GBP3: variants seen among roughly 807,000 people sequenced by gnomAD.
The protein encoded by GBP3 is guanylate binding protein 3.
A neutral mutation model predicts 62.4 loss-of-function variants in GBP3; 55 were observed. The ratio of observed to expected loss-of-function variants is 0.88; its 90% CI spans 0.71 to 1.10. The LOEUF is 1.10. GBP3 is among the 50% of genes least tolerant of loss of function. The probability of loss-of-function intolerance (pLI) is 0.00; values close to 1 mark genes in which losing one functional copy is unlikely to be tolerated. For missense variants in GBP3, 605 were observed against 690.6 expected (o/e 0.88, Z 1.39); for synonymous variants, 208 against 259.2 (o/e 0.80, Z 1.90).
rs1678684361 is a variant in GBP3, at chr1:89,013,316, G to A, written c.737C>T (p.Ala246Val). Residue 246 changes from alanine to valine, a missense_variant, in exon 6 of 11, where the codon GCC becomes GTC. Transcript: ENST00000370481. ...TTCATCTTGTAGTTTCTCAAGCTGG[G>A]CAAGCTTCCTGCGGTGAATGGGCAG... Reference protein sequence around the residue: ...FDLPIHRRKLAQLEKLQDEEL... With the variant: ...FDLPIHRRKLVQLEKLQDEEL... The A allele has an allele frequency of 1.9e-6, 3 of 1,614,082 alleles. No homozygotes were observed. The South Asian group carries it at 3.3e-5, about 18-fold the overall frequency.
intron 5 of GBP3, 130 bp downstream of exon 5, chr1:89,013,953 T>C: frequency 9.9e-7 from 1 of 1,007,724 alleles, no homozygotes; most frequent in South Asian, 1.7e-5. Flanking sequence ...ATAGCAAGCA[T>C]TAATTCTTAA....
intron 1 of GBP3, among the ~76,000 whole-genome samples, chr1:89,022,461 G>A (rs1679298401): frequency 1.3e-5 from 2 of 152,178 alleles, no homozygotes; most frequent in South Asian, 2.1e-4. Context: ...TTCAACACAA[G>A]CACTGTAGTG....
Position 89,014,221 on chromosome 1 carries a change from T to C in GBP3, c.487A>G (p.Asn163Asp), listed in dbSNP as rs149490245. 326 of 1,614,180 alleles carry C rather than the reference T, an allele frequency of 2.0e-4. No individual in the cohort carries two copies. The African/African-American group carries it at 4.0e-3, about 20-fold the overall frequency. Reference sequence around the variant, plus strand: ...CTCACAAAGTCAGCTGAATCCTCATTCTCATTCTCATCAGGTGAGGATTTT... The same window carrying C: ...CTCACAAAGTCAGCTGAATCCTCATCCTCATTCTCATCAGGTGAGGATTTT... ...RSKSSPDENE[N>D]EDSADFVSFF... Residue 163 changes from asparagine (N) to aspartate (D), a missense_variant, in exon 5 of 11, where the codon AAT becomes GAT. Asn to Asp is a conservative substitution (Grantham distance 23). Transcript: ENST00000370481.
At chr1:89,013,136 C>A in intron 6 of GBP3, 49 bp downstream of exon 6, 1 of 1,586,240 alleles carries the variant, frequency 6.3e-7, no homozygotes, top group Non-Finnish European at 8.6e-7. Context: ...TCATGCCTGG[C>A]CATCCTTTAG....
Position 89,014,158 on chromosome 1 carries a change from A to C in GBP3, c.550T>G (p.Ser184Ala), listed in dbSNP as rs1298525631. 1.2e-6 allele frequency: 2 copies of C among 1,614,190 alleles called. No homozygotes were observed. Among genetic ancestry groups the C allele is most frequent in the Admixed American group, 3.3e-5 (2 of 60,020 alleles). The change falls in exon 5 of 11, where the codon TCC (serine) becomes GCC (alanine). Residue 184 changes from serine (S) to alanine (A), a missense_variant. Physicochemically the swap from Ser to Ala is moderately conservative, Grantham distance 99 (BLOSUM62 1). Coordinates refer to ENST00000370481, the MANE Select transcript of GBP3 (RefSeq NM_018284.3). ...TGTCCATCTGCTTCCAAGTCCAGGG[A>C]GAAATCTCTCAGTGTCCACACAAAA... The part of the protein sequence containing the change: ...PDFVWTLRDF[S>A]LDLEADGQPL...
At chr1:89,013,048 G>T in intron 6 of GBP3, 137 bp downstream of exon 6, 1 of 883,262 alleles carries the variant, frequency 1.1e-6, no homozygotes, top group Non-Finnish European at 1.8e-6. Context: ...ATGTGGGCTA[G>T]GTTGGTCTCA....
intron 7 of GBP3, 117 bp downstream of exon 7, chr1:89,011,627 AGTT>A: frequency 8.5e-7 from 1 of 1,181,306 alleles, no homozygotes; most frequent in East Asian, 2.6e-5. Context: ...ACCAAGAACT[AGTT>A]GTCACCATTT....
intron 2 of GBP3, among the ~76,000 whole-genome samples, chr1:89,015,744 TAA>T (rs58886103): frequency 3.1e-4 from 27 of 86,026 alleles, no homozygotes; most frequent in Middle Eastern, 6.3e-3. Context: ...ACTCTTGTCT[TAA>T]AAAAAAAAAA....
intron 2 of GBP3, 158 bp downstream of exon 2, chr1:89,020,374 A>G: frequency 1.3e-6 from 1 of 786,636 alleles, no homozygotes; most frequent in South Asian, 1.6e-5. Context: ...CTGTGAGCTG[A>G]TGCTTATCCC....
chr1:89,013,089 C>G, intron 6 of GBP3, 96 bp downstream of exon 6: 1 of 1,368,636 alleles, frequency 7.3e-7, no homozygotes, highest in South Asian at 1.4e-5. Context: ...CTGCCCTCCT[C>G]GGCCTCCCAA....
chr1:89,021,473 T>C (rs945541591), intron 1 of GBP3, among the ~76,000 whole-genome samples: 2 of 148,056 alleles, frequency 1.4e-5, no homozygotes, highest in African/African-American at 5.0e-5. Flanking sequence ...AAACTGCCAA[T>C]ACTGAATGTT....
At chr1:89,020,370 G>T in intron 2 of GBP3, 162 bp downstream of exon 2, 1 of 767,668 alleles carries the variant, frequency 1.3e-6, no homozygotes, top group Non-Finnish European at 2.2e-6. Context: ...ACAGCTGTGA[G>T]CTGATGCTTA....
At chr1:89,022,021 G>A (rs763155242) in intron 1 of GBP3, among the ~76,000 whole-genome samples, 22 of 144,694 alleles carry the variant, frequency 1.5e-4, no homozygotes, top group Non-Finnish European at 3.2e-4. Flanking sequence ...TTCTCCAGAG[G>A]AAAAACTAGG....
Position 89,011,875 on chromosome 1 carries a change from C to A in GBP3, c.1021G>T (p.Val341Leu), listed in dbSNP as rs563011016. 1 of 1,462,158 alleles carries A rather than the reference C, an allele frequency of 6.8e-7. No individual in the cohort carries two copies. The highest frequency in any genetic ancestry group is 1.2e-5 in the South Asian group (1 of 84,746). The allele number at this position is 1,462,158 out of a possible 1,614,324, so 90.6% of individuals were successfully genotyped here. ...AHYDQQMGQK[V>L]QLPAETLQEL... The stretch of plus-strand genomic sequence containing the variant: ...TGGAGGGTTTCTGCGGGCAGCTGCA[C>A]CTTCTGGCCCATCTGCTGGTCATAG... The change falls in exon 7 of 11, where the codon GTG (valine) becomes TTG (leucine). Residue 341 changes from valine to leucine, a missense_variant. Val to Leu is a conservative substitution (Grantham distance 32). Coordinates refer to ENST00000370481, the MANE Select transcript of GBP3 (RefSeq NM_018284.3).
At chr1:89,009,211 C>T in intron 9 of GBP3, 71 bp from the exon 10 acceptor site, 1 of 1,496,236 alleles carries the variant, frequency 6.7e-7, no homozygotes, top group Non-Finnish European at 9.2e-7. Flanking sequence ...ACTTACCCTC[C>T]ATTGTTGCTG....
At chr1:89,017,154 A>C (rs1678927616) in intron 2 of GBP3, among the ~76,000 whole-genome samples, 1 of 152,178 alleles carries the variant, frequency 6.6e-6, no homozygotes. Flanking sequence ...TATTGGCTTA[A>C]ACACTGTTAT....
intron 1 of GBP3, among the ~76,000 whole-genome samples, chr1:89,021,508 G>GTGCA (rs879708756): frequency 3.7e-5 from 2 of 53,528 alleles, no homozygotes; most frequent in East Asian, 7.0e-4. Context: ...ATGCGCGCGC[G>GTGCA]CGCACACACA....
In GBP3 at chr1:89,015,302, C is replaced by T; in HGVS notation, c.303G>A (p.Leu101=). 1 of 1,610,280 alleles carries T rather than the reference C, an allele frequency of 6.2e-7. No individual in the cohort carries two copies. The highest frequency in any genetic ancestry group is 8.5e-7 in the Non-Finnish European group (1 of 1,178,426). ...HTLVLLDTEG[L]GDVKKGDNQN... is the part of the protein sequence containing the mutation. ...TGACCCTTACCTTCTTTACATCTCCCAGGCCCTCAGTGTCAAGCAGGACTA... is the reference window on the plus strand; with the variant it reads ...TGACCCTTACCTTCTTTACATCTCCTAGGCCCTCAGTGTCAAGCAGGACTA... Residue 101 remains leucine (L), a synonymous_variant, in exon 3 of 11, where the codon CTG becomes CTA. Coordinates refer to ENST00000370481, the MANE Select transcript of GBP3 (RefSeq NM_018284.3).
chr1:89,013,265 T>C lies in GBP3; in HGVS notation c.788A>G (p.Gln263Arg). 1.2e-6 allele frequency: 2 copies of C among 1,614,204 alleles called. No individual in the cohort carries two copies. Among genetic ancestry groups the C allele is most frequent in the Middle Eastern group, 1.6e-4 (1 of 6,062 alleles). Residue 263 changes from glutamine to arginine, a missense_variant, in exon 6 of 11, where the codon CAA (glutamine) becomes CGA (arginine). Physicochemically the swap from Gln to Arg is conservative, Grantham distance 43. Around this residue, in one of 3 missense-constraint regions of GBP3, gnomAD observed 308 missense variants for 318.0 expected, o/e 0.97. Transcript: ENST00000370481. Reference protein sequence around the residue: ...DEELDPEFVQQVADFCSYIFS... With the variant: ...DEELDPEFVQRVADFCSYIFS... ...GATGTAGGAACAGAAGTCTGCTACTTGTTGCACAAATTCAGGGTCCAGCTC... is the reference window on the plus strand; with the variant it reads ...GATGTAGGAACAGAAGTCTGCTACTCGTTGCACAAATTCAGGGTCCAGCTC...
Sources: gnomAD v4.1 joint callset for allele counts (sites outside exome capture counted in the v4.1 genomes callset) on GRCh38, gnomAD v4.1.1 for gene constraint, gnomAD v4.1.1 regional missense constraint, MANE v1.5 for transcripts, NCBI Gene and HGNC (gene_info 2026-07-23, HGNC 2026-07-21) for gene names.